The following PLCB1 variants were observed in gnomAD, a reference collection of about 807,000 sequenced individuals.
PLCB1 encodes 1-phosphatidylinositol 4,5-bisphosphate phosphodiesterase beta-1.
In PLCB1, 46 loss-of-function variants were observed where a neutral mutation model predicts 161.8. The ratio of observed to expected loss-of-function variants is 0.28; its 90% CI spans 0.22 to 0.36. The LOEUF (loss-of-function observed/expected upper bound fraction) is 0.36. Ranked by LOEUF, PLCB1 falls within the 10% of genes least tolerant of loss-of-function variation. The probability of loss-of-function intolerance (pLI) is 1.00; values close to 1 mark genes in which losing one functional copy is unlikely to be tolerated. For synonymous variants in PLCB1, 517 were observed against 503.7 expected, an observed-to-expected ratio of 1.03 and a Z score of -0.35; for missense variants, 1,016 against 1,472.5, an observed-to-expected ratio of 0.69 and a Z score of 5.07.
At chr20:8,546,198 C>T (rs1985537807) in intron 3 of PLCB1, among the ~76,000 whole-genome samples, 1 of 150,814 alleles carries the variant, frequency 6.6e-6, no homozygotes, top group East Asian at 2.0e-4. Flanking sequence ...CCTGTAGTCC[C>T]AGTTATTTGG....
At chr20:8,498,929 G>A (rs1156987884) in intron 3 of PLCB1, among the ~76,000 whole-genome samples, 3 of 152,126 alleles carry the variant, frequency 2.0e-5, no homozygotes, top group Non-Finnish European at 4.4e-5. Flanking sequence ...TACAGCACGG[G>A]TCATTAGTAA....
chr20:8,774,147 T>C (rs1433780989), intron 26 of PLCB1, among the ~76,000 whole-genome samples: 2 of 152,246 alleles, frequency 1.3e-5, no homozygotes, highest in Non-Finnish European at 2.9e-5. Flanking sequence ...TCTGAAGTTT[T>C]CATACGGGAA....
At chr20:8,523,490 C>CCATATATATATATATATATA (rs1206489907) in intron 3 of PLCB1, among the ~76,000 whole-genome samples, 812 of 67,300 alleles carry the variant, frequency 0.012, 124 homozygotes, top group Non-Finnish European at 0.015. Flanking sequence ...CTCTCTCTCT[C>CCATATATATATATATATATA]TCTCTCTATA....
chr20:8,151,954 G>C (rs1349315649), intron 2 of PLCB1, among the ~76,000 whole-genome samples: 2 of 152,002 alleles, frequency 1.3e-5, no homozygotes, highest in Non-Finnish European at 2.9e-5. Flanking sequence ...AGGACCAAAG[G>C]CTCTTTGTTG....
intron 14 of PLCB1, among the ~76,000 whole-genome samples, chr20:8,721,401 T>A (rs1440697951): frequency 2.0e-5 from 3 of 152,338 alleles, no homozygotes; most frequent in East Asian, 3.9e-4. Flanking sequence ...CTCGCTGACT[T>A]TTTACTTGAA....
chr20:8,361,566 G>A (rs1485395283), intron 2 of PLCB1, among the ~76,000 whole-genome samples: 1 of 152,136 alleles, frequency 6.6e-6, no homozygotes, highest in Non-Finnish European at 1.5e-5. Context: ...TGATGATGAT[G>A]CCATAGGTCA....
At chr20:8,288,509 G>A (rs766057983) in intron 2 of PLCB1, among the ~76,000 whole-genome samples, 4 of 152,154 alleles carry the variant, frequency 2.6e-5, no homozygotes, top group Non-Finnish European at 4.4e-5. Flanking sequence ...GCCTCAACCT[G>A]GTCCCACAGG....
intron 2 of PLCB1, among the ~76,000 whole-genome samples, chr20:8,173,838 C>A (rs1378880243): frequency 6.6e-6 from 1 of 151,998 alleles, no homozygotes; most frequent in Non-Finnish European, 1.5e-5. Context: ...CTGAAAAATA[C>A]AATGGCCAAA....
intron 9 of PLCB1, among the ~76,000 whole-genome samples, chr20:8,677,251 G>A (rs1436044314): frequency 1.3e-5 from 2 of 151,920 alleles, no homozygotes; most frequent in Non-Finnish European, 1.5e-5. Context: ...AAATTAGCCG[G>A]GTGGGGTATG....
At chr20:8,539,616 T>TTTC (rs1985194329) in intron 3 of PLCB1, among the ~76,000 whole-genome samples, 1 of 97,236 alleles carries the variant, frequency 1.0e-5, no homozygotes, top group African/African-American at 4.2e-5. Flanking sequence ...CTTTTCTTTA[T>TTTC]TTTCTTTCTT....
chr20:8,716,563 T>C (rs1056864130), intron 13 of PLCB1, among the ~76,000 whole-genome samples: 2 of 152,244 alleles, frequency 1.3e-5, no homozygotes, highest in African/African-American at 4.8e-5. Context: ...TCTCTCTCGC[T>C]GGCTGCCTGA....
chr20:8,778,025 C>T (rs377224323), intron 27 of PLCB1, among the ~76,000 whole-genome samples: 126 of 152,222 alleles, frequency 8.3e-4, no homozygotes, highest in African/African-American at 2.8e-3. Flanking sequence ...CACCAGGTCC[C>T]GCCCACAACA....
intron 3 of PLCB1, among the ~76,000 whole-genome samples, chr20:8,585,007 C>T (rs2062215489): frequency 6.6e-6 from 1 of 152,050 alleles, no homozygotes; most frequent in African/African-American, 2.4e-5. Flanking sequence ...TCTCTTTAGC[C>T]CAACATGATC....
At chr20:8,397,095 C>T (rs1234788293) in intron 3 of PLCB1, among the ~76,000 whole-genome samples, 2 of 152,018 alleles carry the variant, frequency 1.3e-5, no homozygotes, top group East Asian at 1.9e-4. Flanking sequence ...ATTTCCTCTT[C>T]TTTCATGTAT....
intron 31 of PLCB1, among the ~76,000 whole-genome samples, chr20:8,794,139 GT>G (rs1983904105): frequency 6.6e-6 from 1 of 152,048 alleles, no homozygotes. Flanking sequence ...ATTTCATATT[GT>G]TTAAACACAT....
intron 9 of PLCB1, among the ~76,000 whole-genome samples, chr20:8,676,893 A>T (rs1441834343): frequency 6.6e-6 from 1 of 152,254 alleles, no homozygotes; most frequent in African/African-American, 2.4e-5. Context: ...TACACATATC[A>T]TTAATGTCCA....
In PLCB1 at chr20:8,684,101, G is replaced by A. The variant is rs144287913; in HGVS notation, c.863-831G>A. Among the ~76,000 whole-genome samples, 719 of 152,044 alleles carry A rather than the reference G, an allele frequency of 4.7e-3. 39 individuals are homozygous for A. The East Asian group carries it at 0.11, about 24-fold the overall frequency. On this transcript the variant is annotated intron_variant, in intron 9 of 31. Coordinates refer to ENST00000338037, the MANE Select transcript of PLCB1 (RefSeq NM_015192.4). ...AGGTTTCACCGTGTTAGCCAGGATG[G>A]TCTCGATCTCCTGACCTTGTGATCT...
Position 8,486,656 on chromosome 20 carries a change from C to T in PLCB1, c.246+115206C>T, listed in dbSNP as rs373679902. On this transcript the variant is annotated intron_variant, in intron 3 of 31. Coordinates refer to ENST00000338037, the MANE Select transcript of PLCB1 (RefSeq NM_015192.4). Reference sequence around the variant, plus strand: ...GACTACAGGCGCCCGCCACCGCGCCCGGCTAATTTTTTGTATTTTTAGTAG... The same window carrying T: ...GACTACAGGCGCCCGCCACCGCGCCTGGCTAATTTTTTGTATTTTTAGTAG... 7.2e-3 allele frequency among the ~76,000 whole-genome samples: 1,092 copies of T among 150,862 alleles called. 18 individuals are homozygous for T. The highest frequency in any genetic ancestry group is 0.025 in the African/African-American group (1,014 of 41,066).
At chr20:8,539,071 G>A (rs572601099) in intron 3 of PLCB1, among the ~76,000 whole-genome samples, 2 of 152,268 alleles carry the variant, frequency 1.3e-5, no homozygotes, top group Admixed American at 1.3e-4. Flanking sequence ...ACAGGCATGA[G>A]CCACTGTGCC....
Sources: gnomAD v4.1 joint callset for allele counts (sites outside exome capture counted in the v4.1 genomes callset) on GRCh38, gnomAD v4.1.1 for gene constraint, MANE v1.5 for transcripts, NCBI Gene and HGNC (gene_info 2026-07-23, HGNC 2026-07-21) for gene names.